The following MYO16 variants were observed in gnomAD, a reference collection of about 807,000 sequenced individuals.
MYO16 encodes myosin XVI, also known as unconventional myosin-XVI.
Under a neutral mutation model 205.3 loss-of-function variants are expected in MYO16, and 94 were observed. That is an observed-to-expected ratio of 0.46 (90% confidence interval 0.39 to 0.54). MYO16 has a LOEUF of 0.54. Ranked by LOEUF, MYO16 falls within the 20% of genes least tolerant of loss-of-function variation. The pLI is 0.00. For missense variants in MYO16, 2,315 were observed against 2,387.5 expected, an observed-to-expected ratio of 0.97 and a Z score of 0.63; for synonymous variants, 988 against 954.0, an observed-to-expected ratio of 1.04 and a Z score of -0.66.
intron 1 of MYO16, among the ~76,000 whole-genome samples, chr13:108,652,080 A>G (rs1404001292): frequency 6.6e-6 from 1 of 152,114 alleles, no homozygotes; most frequent in Non-Finnish European, 1.5e-5. Context: ...GAAGAGTGTT[A>G]TAACAATGGA....
In MYO16 at chr13:108,737,806, A is replaced by G. The variant is rs545693872; in HGVS notation, c.507+10223A>G. Among the ~76,000 whole-genome samples, 23 of 152,276 alleles carry G rather than the reference A, an allele frequency of 1.5e-4. No homozygotes were observed. In the South Asian group the frequency reaches 2.9e-3, roughly 19 times the overall value. ...TGGTAGGCTATTAATTATTGCCTCA[A>G]TTTCAGAGCCTGTTATTGGTCTATT... On this transcript the variant is annotated intron_variant, in intron 4 of 34. Transcript: ENST00000457511.
At chr13:108,828,560 G>A (rs1043311016) in intron 9 of MYO16, among the ~76,000 whole-genome samples, 3 of 152,168 alleles carry the variant, frequency 2.0e-5, no homozygotes, top group Non-Finnish European at 2.9e-5. Context: ...CAGTGCCTTT[G>A]TTACTCATGA....
intron 4 of MYO16, among the ~76,000 whole-genome samples, chr13:108,763,543 A>G (rs957316703): frequency 3.9e-5 from 6 of 152,212 alleles, no homozygotes; most frequent in Admixed American, 1.3e-4. Context: ...GTTGAAACCA[A>G]TAGTAATATT....
intron 9 of MYO16, among the ~76,000 whole-genome samples, chr13:108,829,750 G>A (rs1443046794): frequency 6.6e-6 from 1 of 152,130 alleles, no homozygotes; most frequent in Non-Finnish European, 1.5e-5. Flanking sequence ...ATACCCCATG[G>A]GGATTTTTGA....
intron 6 of MYO16, among the ~76,000 whole-genome samples, chr13:108,796,918 AT>A (rs1886810106): frequency 1.4e-5 from 2 of 141,842 alleles, no homozygotes; most frequent in African/African-American, 2.6e-5. Context: ...TTAAAGTATA[AT>A]TTAAAAAAAT....
chr13:108,919,604 A>G (rs754647769), intron 16 of MYO16, among the ~76,000 whole-genome samples: 27 of 152,198 alleles, frequency 1.8e-4, no homozygotes, highest in Non-Finnish European at 3.4e-4. Flanking sequence ...CAAGCAGTGT[A>G]TTTACCTTCA....
rs536541030 is a variant in MYO16, at chr13:108,741,632, A to G, written c.507+14049A>G. ...GTTCAGGCTTACAAATTACCACAAAAGTGCCATGAGAAATTATTTTGGGGT... is the reference window on the plus strand; with the variant it reads ...GTTCAGGCTTACAAATTACCACAAAGGTGCCATGAGAAATTATTTTGGGGT... On this transcript the variant is annotated intron_variant, in intron 4 of 34. Transcript: ENST00000457511. Among the ~76,000 whole-genome samples, 6 of 152,350 alleles carry G rather than the reference A, an allele frequency of 3.9e-5. No homozygotes were observed. In the South Asian group the frequency reaches 1.0e-3, roughly 26 times the overall value.
chr13:108,701,878 C>A (rs753843449), intron 2 of MYO16, among the ~76,000 whole-genome samples: 5 of 152,048 alleles, frequency 3.3e-5, no homozygotes, highest in Non-Finnish European at 7.4e-5. Context: ...TAAAAACAAA[C>A]AAATAGAAAT....
At chr13:108,627,252 T>C (rs1299449028), upstream of MYO16, among the ~76,000 whole-genome samples, 1 of 152,092 alleles carries the variant, frequency 6.6e-6, no homozygotes, top group Non-Finnish European at 1.5e-5. Flanking sequence ...GAGTATGTGG[T>C]TTCAAAGACA....
intron 1 of MYO16, among the ~76,000 whole-genome samples, chr13:108,605,305 A>T (rs1878911395): frequency 6.6e-6 from 1 of 152,144 alleles, no homozygotes; most frequent in Admixed American, 6.5e-5. Context: ...ATCTTACAGG[A>T]ATACTCATCA....
chr13:108,818,742 A>G (rs1198475362), intron 7 of MYO16, among the ~76,000 whole-genome samples: 2 of 152,224 alleles, frequency 1.3e-5, no homozygotes, highest in Non-Finnish European at 2.9e-5. Context: ...GAAAAGCACA[A>G]TAAGAAGATA....
intron 5 of MYO16, among the ~76,000 whole-genome samples, chr13:108,791,005 C>G (rs1281031506): frequency 6.6e-6 from 1 of 152,170 alleles, no homozygotes; most frequent in Non-Finnish European, 1.5e-5. Context: ...TTAAGAGTGA[C>G]TATCAGATTC....
At chr13:108,849,260 AGCTCACT>A (rs1877695245) in intron 10 of MYO16, among the ~76,000 whole-genome samples, 1 of 152,066 alleles carries the variant, frequency 6.6e-6, no homozygotes, top group Non-Finnish European at 1.5e-5. Context: ...GTGCCATCTC[AGCTCACT>A]GCAACCTCCG....
At chr13:108,551,641 C>T in the MYO16 span, among the ~76,000 whole-genome samples, 1 of 151,852 alleles carries the variant, frequency 6.6e-6, no homozygotes. Context: ...TTTTTTGCTC[C>T]ACAAAAATCT....
At chr13:108,893,622 TGAAAG>T (rs1194178535) in intron 14 of MYO16, among the ~76,000 whole-genome samples, 1 of 152,100 alleles carries the variant, frequency 6.6e-6, no homozygotes, top group Non-Finnish European at 1.5e-5. Flanking sequence ...CAGGATAAGA[TGAAAG>T]GAAAGTTCAC....
At chr13:108,797,881 T>C (rs372627780) in intron 6 of MYO16, among the ~76,000 whole-genome samples, 1 of 152,234 alleles carries the variant, frequency 6.6e-6, no homozygotes, top group Non-Finnish European at 1.5e-5. Flanking sequence ...GAGAAGCTAT[T>C]GAAGTAATCA....
chr13:109,145,781 T>C (rs947738969), intron 32 of MYO16, among the ~76,000 whole-genome samples: 7 of 152,214 alleles, frequency 4.6e-5, no homozygotes, highest in Admixed American at 3.9e-4. Flanking sequence ...CAGCGTCTGG[T>C]TGAGTTTATC....
At chr13:108,810,814 C>A (rs1887268715) in intron 7 of MYO16, among the ~76,000 whole-genome samples, 1 of 152,030 alleles carries the variant, frequency 6.6e-6, no homozygotes, top group African/African-American at 2.4e-5. Context: ...ATGTAAATAC[C>A]TTTATGGAGA....
chr13:108,935,565 G>C (rs988316090), intron 16 of MYO16, among the ~76,000 whole-genome samples: 1 of 152,076 alleles, frequency 6.6e-6, no homozygotes, highest in Non-Finnish European at 1.5e-5. Context: ...TGTCAATAAA[G>C]AGAGATAGTT....
Sources: allele counts gnomAD v4.1 joint callset (sites outside exome capture counted in the v4.1 genomes callset), GRCh38; gene constraint gnomAD v4.1.1; transcripts MANE v1.5; gene names NCBI Gene and HGNC (gene_info 2026-07-23, HGNC 2026-07-21).